Variants in RBMXL2 observed in about 807,000 individuals in gnomAD.
The protein encoded by RBMXL2 is RBMX like 2.
Under a neutral mutation model 1.0 loss-of-function variants are expected in RBMXL2, and 2 were observed. The observed-to-expected ratio is 2.05, with a 90% CI of 0.84 to 6.44. The LOEUF (loss-of-function observed/expected upper bound fraction) is 6.44, where lower values mean the gene tolerates loss of function less well. RBMXL2 is among the 30% of genes most tolerant of loss of function. The probability of loss-of-function intolerance (pLI) is 0.05; values close to 1 mark genes in which losing one functional copy is unlikely to be tolerated. For synonymous variants in RBMXL2, 313 were observed against 267.9 expected (o/e 1.17, Z -1.64); for missense variants, 658 against 608.5 (o/e 1.08, Z -0.85).
At position 7,089,022 on chromosome 11, in the gene RBMXL2, G is replaced by A. The variant is rs542284447; in HGVS notation, c.-99G>A. On this transcript the variant is annotated 5_prime_UTR_variant, in exon 1 of 1. Coordinates refer to ENST00000306904, the MANE Select transcript of RBMXL2 (RefSeq NM_014469.5). ...TGGACTCGGCGACTAGGCGCCGCCT[G>A]ACCAGTAGGAGCCGCCCTCGACGAG... 49 of 1,414,170 alleles carry A rather than the reference G, an allele frequency of 3.5e-5. No individual in the cohort carries two copies. The highest frequency in any genetic ancestry group is 4.5e-5 in the Non-Finnish European group (46 of 1,022,372). 87.6% of individuals were successfully genotyped at this position (1,414,170 alleles called of 1,614,324 possible).
Position 7,090,068 on chromosome 11 carries a change from C to G in RBMXL2, c.948C>G (p.Pro316=), listed in dbSNP as rs753015471. ...ACGAGGAGTACCGGGGCTACTCACC[C>G]GATGCCTACAGCGGCGGCCGCGACA... The part of the protein sequence containing the change: ...GRYEEYRGYS[P]DAYSGGRDSY... Residue 316 remains proline (P), a synonymous_variant, in exon 1 of 1, where the codon CCC becomes CCG. Transcript: ENST00000306904. The G allele has an allele frequency of 1.2e-6, 2 of 1,612,904 alleles. No individual in the cohort carries two copies. The highest frequency in any genetic ancestry group is 1.1e-5 in the South Asian group (1 of 91,024).
chr11:7,089,512 G>T lies in RBMXL2; in HGVS notation c.392G>T (p.Gly131Val). ...SPSRGGPDDDGGYTADFDLRP... is the reference protein window; with the variant it reads ...SPSRGGPDDDVGYTADFDLRP... ...TCCCGGGGCGGGCCCGATGATGACGGCGGCTACACGGCGGATTTCGACCTG... is the reference window on the plus strand; with the variant it reads ...TCCCGGGGCGGGCCCGATGATGACGTCGGCTACACGGCGGATTTCGACCTG... Residue 131 changes from glycine (G) to valine (V), a missense_variant, in exon 1 of 1, where the codon GGC (glycine) becomes GTC (valine). By Grantham distance (109) the Gly-to-Val change is moderately radical. Coordinates refer to ENST00000306904, the MANE Select transcript of RBMXL2 (RefSeq NM_014469.5). 1.6e-6 allele frequency: 2 copies of T among 1,224,114 alleles called. No homozygotes were observed. The highest frequency in any genetic ancestry group is 2.0e-6 in the Non-Finnish European group (2 of 981,282). The allele number at this position is 1,224,114 out of a possible 1,614,324, so 75.8% of individuals were successfully genotyped here. A position where few individuals can be genotyped will look rare whatever the true frequency, so the allele number is the denominator to read the frequency against.
Position 7,089,967 on chromosome 11 carries a change from T to C in RBMXL2, c.847T>C (p.Phe283Leu), listed in dbSNP as rs1256188710. 6.2e-7 allele frequency: 1 copy of C among 1,612,838 alleles called. No homozygotes were observed. The highest frequency in any genetic ancestry group is 8.5e-7 in the Non-Finnish European group (1 of 1,179,948). ...HLSRGSHREP[F>L]ESYGELRGAA... Reference sequence around the variant, plus strand: ...GAGCAGAGGCTCCCATCGAGAGCCCTTTGAGAGCTACGGAGAGCTGCGCGG... The same window carrying C: ...GAGCAGAGGCTCCCATCGAGAGCCCCTTGAGAGCTACGGAGAGCTGCGCGG... Residue 283 changes from phenylalanine to leucine, a missense_variant, in exon 1 of 1, where the codon TTT (phenylalanine) becomes CTT (leucine). Phe to Leu is a conservative substitution (Grantham distance 22). Coordinates refer to ENST00000306904, the MANE Select transcript of RBMXL2 (RefSeq NM_014469.5).
chr11:7,090,212 T>G lies in RBMXL2; in HGVS notation c.1092T>G (p.Ser364=). The G allele has an allele frequency of 1.2e-6, 2 of 1,612,316 alleles. No individual in the cohort carries two copies. The highest frequency in any genetic ancestry group is 1.7e-6 in the Non-Finnish European group (2 of 1,179,390). ...MERGCPPQRD[S]YSRSGCRVPR... is the part of the protein sequence containing the mutation. The stretch of plus-strand genomic sequence containing the variant: ...GGGGCTGCCCTCCCCAGCGTGATTC[T>G]TACAGCCGGTCAGGCTGCAGGGTGC... The change falls in exon 1 of 1, where the codon TCT becomes TCG. Residue 364 remains serine, a synonymous_variant. Coordinates refer to ENST00000306904, the MANE Select transcript of RBMXL2 (RefSeq NM_014469.5).
Position 7,089,689 on chromosome 11 carries a change from A to G in RBMXL2, c.569A>G (p.Tyr190Cys). The stretch of plus-strand genomic sequence containing the variant: ...CTGGCCGTGCGGGGGCGAGACGGCT[A>G]CTCAGGCCCACCGCGCCGGGAGCCG... ...RALAVRGRDGYSGPPRREPLP... is the reference protein window; with the variant it reads ...RALAVRGRDGCSGPPRREPLP... The change falls in exon 1 of 1, where the codon TAC becomes TGC. Residue 190 changes from tyrosine to cysteine, a missense_variant. Coordinates refer to ENST00000306904, the MANE Select transcript of RBMXL2 (RefSeq NM_014469.5). 1 of 1,509,654 alleles carries G rather than the reference A, an allele frequency of 6.6e-7. No homozygotes were observed. Among genetic ancestry groups the G allele is most frequent in the South Asian group, 1.2e-5 (1 of 82,170 alleles). 93.5% of individuals were successfully genotyped at this position (1,509,654 alleles called of 1,614,324 possible).
rs1653061521 is a variant in RBMXL2 at position 7,089,764 on chromosome 11, C to T, written c.644C>T (p.Ser215Leu). The change falls in exon 1 of 1, where the codon TCG becomes TTG. Residue 215 changes from serine (S) to leucine (L), a missense_variant. Physicochemically the swap from Ser to Leu is moderately radical, Grantham distance 145. Transcript: ENST00000306904. ...PYLGPRDEGY[S>L]SRDGYSSRDY... is the part of the protein sequence containing the mutation. ...CTGGGCCCGCGGGATGAGGGCTACT[C>T]GTCCAGAGACGGCTACTCGAGCCGA... 3 of 1,575,328 alleles carry T rather than the reference C, an allele frequency of 1.9e-6. No homozygotes were observed. Among genetic ancestry groups the T allele is most frequent in the Non-Finnish European group, 2.6e-6 (3 of 1,167,680 alleles).
chr11:7,089,623 G>C lies in RBMXL2; in HGVS notation c.503G>C (p.Gly168Ala), dbSNP rs1438980145. The C allele has an allele frequency of 6.4e-6, 8 of 1,243,426 alleles. No individual in the cohort carries two copies. The highest frequency in any genetic ancestry group is 8.1e-6 in the Non-Finnish European group (8 of 993,680). The allele number at this position is 1,243,426 out of a possible 1,614,324, so 77.0% of individuals were successfully genotyped here. Residue 168 changes from glycine to alanine, a missense_variant, in exon 1 of 1, where the codon GGC (glycine) becomes GCC (alanine). By Grantham distance (60) the Gly-to-Ala change is moderately conservative. Transcript: ENST00000306904. Reference protein sequence around the residue: ...GPPPKRAAPSGPARSSGGGMR... With the variant: ...GPPPKRAAPSAPARSSGGGMR... ...CCCCCCAAGAGGGCCGCGCCGTCGG[G>C]CCCGGCTCGCAGCAGCGGCGGTGGA... is the stretch of plus-strand genomic sequence containing the variant.
chr11:7,089,297 C>T lies in RBMXL2; in HGVS notation c.177C>T (p.Pro59=), dbSNP rs1447781618. 2 of 1,606,476 alleles carry T rather than the reference C, an allele frequency of 1.2e-6. No homozygotes were observed. The highest frequency in any genetic ancestry group is 8.5e-7 in the Non-Finnish European group (1 of 1,176,434). The change falls in exon 1 of 1, where the codon CCC becomes CCT. Residue 59 remains proline (P), a synonymous_variant. Coordinates refer to ENST00000306904, the MANE Select transcript of RBMXL2 (RefSeq NM_014469.5). The part of the protein sequence containing the change: ...RGFAFVTFES[P]ADAKAAARDM... ...TCGCGTTCGTCACCTTTGAAAGCCCCGCAGACGCCAAGGCCGCCGCCAGAG... is the reference window on the plus strand; with the variant it reads ...TCGCGTTCGTCACCTTTGAAAGCCCTGCAGACGCCAAGGCCGCCGCCAGAG...
Position 7,090,099 on chromosome 11 carries a change from A to G in RBMXL2, c.979A>G (p.Ser327Gly), listed in dbSNP as rs1269578850. ...CTACAGCGGCGGCCGCGACAGTTAC[A>G]GCAGCAGTTATGGCCGGAGCGACCG... The part of the protein sequence containing the change: ...DAYSGGRDSY[S>G]SSYGRSDRYS... Residue 327 changes from serine (S) to glycine (G), a missense_variant, in exon 1 of 1, where the codon AGC (serine) becomes GGC (glycine). Physicochemically the swap from Ser to Gly is moderately conservative, Grantham distance 56. Transcript: ENST00000306904. 2 of 1,612,042 alleles carry G rather than the reference A, an allele frequency of 1.2e-6. No individual in the cohort carries two copies. Among genetic ancestry groups the G allele is most frequent in the Non-Finnish European group, 1.7e-6 (2 of 1,179,200 alleles).
chr11:7,090,434 G>A lies in RBMXL2; in HGVS notation c.*135G>A. ...CTTTTAAGAATTTCCTGTTAAGATC[G>A]TCTCCATTTTTATGCTTTTGGGAGA... On this transcript the variant is annotated 3_prime_UTR_variant, in exon 1 of 1. Coordinates refer to ENST00000306904, the MANE Select transcript of RBMXL2 (RefSeq NM_014469.5). The A allele has an allele frequency of 1.7e-6, 2 of 1,177,770 alleles. No homozygotes were observed. The highest frequency in any genetic ancestry group is 2.4e-6 in the Non-Finnish European group (2 of 819,880). 73.0% of individuals were successfully genotyped at this position (1,177,770 alleles called of 1,614,324 possible). A position where few individuals can be genotyped will look rare whatever the true frequency, so the allele number is the denominator to read the frequency against.
rs945283584 is a variant in RBMXL2, at chr11:7,089,733, C to A, written c.613C>A (p.Pro205Thr). Reference protein sequence around the residue: ...RREPLPPRRDPYLGPRDEGYS... With the variant: ...RREPLPPRRDTYLGPRDEGYS... The stretch of plus-strand genomic sequence containing the variant: ...GGAGCCGCTGCCCCCGCGCCGCGAC[C>A]CCTACCTGGGCCCGCGGGATGAGGG... The change falls in exon 1 of 1, where the codon CCC becomes ACC. Residue 205 changes from proline (P) to threonine (T), a missense_variant. By Grantham distance (38) the Pro-to-Thr change is conservative. Coordinates refer to ENST00000306904, the MANE Select transcript of RBMXL2 (RefSeq NM_014469.5). 7 of 1,543,354 alleles carry A rather than the reference C, an allele frequency of 4.5e-6. No homozygotes were observed. The East Asian group carries it at 1.7e-4, about 38-fold the overall frequency.
chr11:7,090,263 C>A lies in RBMXL2; in HGVS notation c.1143C>A (p.Gly381=). 1 of 1,607,212 alleles carries A rather than the reference C, an allele frequency of 6.2e-7. No homozygotes were observed. ...CCAGGGGCGGAGGCCGTCTAGGAGGCCGCTTGGAGAGAGGAGGAGGCCGGA... is the reference window on the plus strand; with the variant it reads ...CCAGGGGCGGAGGCCGTCTAGGAGGACGCTTGGAGAGAGGAGGAGGCCGGA... ...RVPRGGGRLG[G]RLERGGGRSR... Residue 381 remains glycine (G), a synonymous_variant, in exon 1 of 1, where the codon GGC becomes GGA. Coordinates refer to ENST00000306904, the MANE Select transcript of RBMXL2 (RefSeq NM_014469.5).
Position 7,091,120 on chromosome 11 carries a change from G to A in RBMXL2, c.*821G>A, listed in dbSNP as rs1247079965. Among the ~76,000 whole-genome samples the A allele has an allele frequency of 6.6e-6, 1 of 152,252 alleles. No individual in the cohort carries two copies. The highest frequency in any genetic ancestry group is 2.4e-5 in the African/African-American group (1 of 41,462). ...TAAGAAACAAGTAGAAAATAAATCA[G>A]TGGTCGACTTGGGGACCGTAATGGC... On this transcript the variant is annotated 3_prime_UTR_variant, in exon 1 of 1. Transcript: ENST00000306904.
rs1853074390 is a variant in RBMXL2 at position 7,089,039 on chromosome 11, C to G, written c.-82C>G. 6.7e-7 allele frequency: 1 copy of G among 1,503,644 alleles called. No homozygotes were observed. Among genetic ancestry groups the G allele is most frequent in the Admixed American group, 1.9e-5 (1 of 52,242 alleles). 93.1% of individuals were successfully genotyped at this position (1,503,644 alleles called of 1,614,324 possible). A position where few individuals can be genotyped will look rare whatever the true frequency, so the allele number is the denominator to read the frequency against. The stretch of plus-strand genomic sequence containing the variant: ...CGCCGCCTGACCAGTAGGAGCCGCC[C>G]TCGACGAGCGAGCTCGAAGGCTGCG... On this transcript the variant is annotated 5_prime_UTR_variant, in exon 1 of 1. Coordinates refer to ENST00000306904, the MANE Select transcript of RBMXL2 (RefSeq NM_014469.5).
In RBMXL2 at chr11:7,089,787, C is replaced by A; in HGVS notation, c.667C>A (p.Arg223=). 1 of 1,596,950 alleles carries A rather than the reference C, an allele frequency of 6.3e-7. No homozygotes were observed. The highest frequency in any genetic ancestry group is 2.3e-5 in the East Asian group (1 of 44,202). ...CTCGTCCAGAGACGGCTACTCGAGCCGAGACTACCGCGAACCCCGGGGTTT... is the reference window on the plus strand; with the variant it reads ...CTCGTCCAGAGACGGCTACTCGAGCAGAGACTACCGCGAACCCCGGGGTTT... ...GYSSRDGYSS[R]DYREPRGFAP... Residue 223 remains arginine, a synonymous_variant, in exon 1 of 1, where the codon CGA becomes AGA. Transcript: ENST00000306904.
Position 7,089,894 on chromosome 11 carries a change from C to A in RBMXL2, c.774C>A (p.Ser258Arg). The A allele has an allele frequency of 6.2e-7, 1 of 1,612,956 alleles. No individual in the cohort carries two copies. Reference protein sequence around the residue: ...VRDDCPLRGYSDRDGYGGRDR... With the variant: ...VRDDCPLRGYRDRDGYGGRDR... The stretch of plus-strand genomic sequence containing the variant: ...ACGACTGTCCCTTGAGAGGCTACAG[C>A]GACCGAGACGGCTACGGAGGTCGCG... Residue 258 changes from serine (S) to arginine (R), a missense_variant, in exon 1 of 1, where the codon AGC (serine) becomes AGA (arginine). Physicochemically the swap from Ser to Arg is moderately radical, Grantham distance 110. Coordinates refer to ENST00000306904, the MANE Select transcript of RBMXL2 (RefSeq NM_014469.5).
chr11:7,090,072 G>T lies in RBMXL2; in HGVS notation c.952G>T (p.Ala318Ser), dbSNP rs749747785. ...GGAGTACCGGGGCTACTCACCCGAT[G>T]CCTACAGCGGCGGCCGCGACAGTTA... The part of the protein sequence containing the change: ...YEEYRGYSPD[A>S]YSGGRDSYSS... The change falls in exon 1 of 1, where the codon GCC becomes TCC. Residue 318 changes from alanine to serine, a missense_variant. Coordinates refer to ENST00000306904, the MANE Select transcript of RBMXL2 (RefSeq NM_014469.5). 16 of 1,612,256 alleles carry T rather than the reference G, an allele frequency of 9.9e-6. No individual in the cohort carries two copies. The South Asian group carries it at 1.2e-4, about 12-fold the overall frequency.
At position 7,089,585 on chromosome 11, in the gene RBMXL2, C is replaced by G. The variant is rs761674386; in HGVS notation, c.465C>G (p.Arg155=). Residue 155 remains arginine (R), a synonymous_variant, in exon 1 of 1, where the codon CGC becomes CGG. Transcript: ENST00000306904. ...PMPMKRGPPP[R]RVGPPPKRAA... Reference sequence around the variant, plus strand: ...CCATGAAGCGTGGGCCGCCGCCGCGCAGGGTCGGCCCACCCCCCAAGAGGG... The same window carrying G: ...CCATGAAGCGTGGGCCGCCGCCGCGGAGGGTCGGCCCACCCCCCAAGAGGG... The G allele has an allele frequency of 1.0e-5, 12 of 1,181,994 alleles. No homozygotes were observed. The African/African-American group carries it at 1.6e-4, about 16-fold the overall frequency. The allele number at this position is 1,181,994 out of a possible 1,614,324, so 73.2% of individuals were successfully genotyped here. A position where few individuals can be genotyped will look rare whatever the true frequency, so the allele number is the denominator to read the frequency against.
Position 7,089,814 on chromosome 11 carries a change from G to GC in RBMXL2, c.699dup (p.Ser234LeufsTer36). ...AGACTACCGCGAACCCCGGGGTTTTGCCCCCTCGCCCGGAGAGTACACCCA... is the reference window on the plus strand; with the variant it reads ...AGACTACCGCGAACCCCGGGGTTTTGCCCCCCTCGCCCGGAGAGTACACCCA... On this transcript the variant is annotated frameshift_variant, in exon 1 of 1. Transcript: ENST00000306904. LOFTEE classifies it low-confidence loss of function (END_TRUNC). 1 of 1,607,060 alleles carries GC rather than the reference G, an allele frequency of 6.2e-7. No homozygotes were observed. The highest frequency in any genetic ancestry group is 8.5e-7 in the Non-Finnish European group (1 of 1,179,412).
Sources: gnomAD v4.1 joint callset for allele counts (sites outside exome capture counted in the v4.1 genomes callset) on GRCh38, gnomAD v4.1.1 for gene constraint, MANE v1.5 for transcripts, NCBI Gene and HGNC (gene_info 2026-07-23, HGNC 2026-07-21) for gene names.